Variants in WLS observed in about 807,000 individuals in gnomAD.
WLS encodes protein wntless homolog.
In WLS, 23 loss-of-function variants were observed where a neutral mutation model predicts 62.8. The observed-to-expected ratio is 0.37, with a 90% confidence interval of 0.26 to 0.52. The LOEUF is 0.52. Ranked by LOEUF, WLS falls within the 20% of genes least tolerant of loss-of-function variation. WLS has a pLI of 0.92. For missense variants in WLS, 615 were observed against 697.3 expected (o/e 0.88, Z 1.33); for synonymous variants, 246 against 244.1 (o/e 1.01, Z -0.07).
intron 11 of WLS, among the ~76,000 whole-genome samples, chr1:68,119,181 C>T (rs1029620378): frequency 1.3e-5 from 2 of 151,886 alleles, no homozygotes; most frequent in Non-Finnish European, 2.9e-5. Flanking sequence ...AGAAAGATTT[C>T]CTAGATATAT....
chr1:68,164,784 G>C (rs899975439), intron 2 of WLS, among the ~76,000 whole-genome samples: 2 of 152,152 alleles, frequency 1.3e-5, no homozygotes, highest in Admixed American at 6.5e-5. Context: ...CTGGACCTCA[G>C]TTCTCCCACA....
Position 68,146,833 on chromosome 1 carries a change from C to T in WLS, c.1135-821G>A, listed in dbSNP as rs545075981. ...CAAGTCTTAGGATAGCGTGAGCTGC[C>T]TTGGAAGGCAGATGACCTGATTCCA... On this transcript the variant is annotated intron_variant, in intron 8 of 11. Transcript: ENST00000262348. Among the ~76,000 whole-genome samples, 69 of 152,198 alleles carry T rather than the reference C, an allele frequency of 4.5e-4. No individual in the cohort carries two copies. The South Asian group carries it at 0.01, about 23-fold the overall frequency.
intron 2 of WLS, among the ~76,000 whole-genome samples, chr1:68,174,371 A>G (rs954787617): frequency 2.0e-5 from 3 of 152,168 alleles, no homozygotes; most frequent in African/African-American, 7.2e-5. Flanking sequence ...TTGGGGTTCT[A>G]TTTAAAGATA....
intron 1 of WLS, among the ~76,000 whole-genome samples, chr1:68,226,748 C>T (rs1650157902): frequency 6.6e-6 from 1 of 152,132 alleles, no homozygotes; most frequent in African/African-American, 2.4e-5. Context: ...CACAGTACAC[C>T]CTAATAGATA....
At chr1:68,213,168 A>G (rs1649583370) in intron 1 of WLS, among the ~76,000 whole-genome samples, 1 of 152,026 alleles carries the variant, frequency 6.6e-6, no homozygotes, top group Non-Finnish European at 1.5e-5. Flanking sequence ...AGAGGAAGTA[A>G]AGCCGGGCGT....
chr1:68,227,448 T>A (rs1380984916), intron 1 of WLS, among the ~76,000 whole-genome samples: 1 of 150,032 alleles, frequency 6.7e-6, no homozygotes, highest in East Asian at 2.0e-4. Flanking sequence ...ATTGTTAGCA[T>A]GAGCATGATT....
intron 10 of WLS, among the ~76,000 whole-genome samples, chr1:68,139,075 C>T (rs2100428205): frequency 6.6e-6 from 1 of 152,336 alleles, no homozygotes; most frequent in East Asian, 1.9e-4. Context: ...CCAGGAGTGT[C>T]AGTTAACCAC....
intron 11 of WLS, among the ~76,000 whole-genome samples, chr1:68,108,710 C>T (rs1367450): frequency 0.44 from 67,042 of 151,984 alleles, 15,116 homozygotes; most frequent in Middle Eastern, 0.52. Flanking sequence ...TTAATAGCCA[C>T]ATGGAGCTAA....
In WLS at chr1:68,159,118, C is replaced by A; in HGVS notation, c.504+5G>T. The A allele has an allele frequency of 6.2e-7, 1 of 1,613,708 alleles. No homozygotes were observed. Among genetic ancestry groups the A allele is most frequent in the Non-Finnish European group, 8.5e-7 (1 of 1,179,900 alleles). ...ACTGTCAGCTTAGACAGCAAGGGGT[C>A]ATACCTTGGGAGATGTGAAGGTGCA... On this transcript the variant is annotated splice_donor_5th_base_variant and intron_variant, in intron 3 of 11. Coordinates refer to ENST00000262348, the MANE Select transcript of WLS (RefSeq NM_024911.7).
At chr1:68,165,477 T>A (rs1345366873) in intron 2 of WLS, among the ~76,000 whole-genome samples, 1 of 152,170 alleles carries the variant, frequency 6.6e-6, no homozygotes, top group African/African-American at 2.4e-5. Context: ...CTTATCTTAC[T>A]TCCAAGGTCT....
At chr1:68,127,029 A>G in intron 11 of WLS, 1 of 359,226 alleles carries the variant, frequency 2.8e-6, no homozygotes, top group Non-Finnish European at 5.5e-6. Flanking sequence ...TGACTCTAAA[A>G]AAAAAATTTG....
At chr1:68,098,699 A>T (rs1023636544) in exon 12 of WLS, 1 of 1,614,040 alleles carries the variant, frequency 6.2e-7, no homozygotes, top group Non-Finnish European at 8.5e-7. Context: ...TTCTTGATAA[A>T]GTTCCGAAAC....
Position 68,223,782 on chromosome 1 carries a change from T to C in WLS, c.106+8412A>G, listed in dbSNP as rs376358107. Among the ~76,000 whole-genome samples, 32 of 152,278 alleles carry C rather than the reference T, an allele frequency of 2.1e-4. No individual in the cohort carries two copies. In the East Asian group the frequency reaches 5.2e-3, roughly 25 times the overall value. ...GATTTTATGACTTTTTTGGGATCAT[T>C]GAGGCCACAGGTTGTCTGCAGAGTC... On this transcript the variant is annotated intron_variant, in intron 1 of 11. Coordinates refer to ENST00000262348, the MANE Select transcript of WLS (RefSeq NM_024911.7).
At chr1:68,134,454 CTT>C (rs752577078) in intron 11 of WLS, among the ~76,000 whole-genome samples, 1 of 152,142 alleles carries the variant, frequency 6.6e-6, no homozygotes, top group Non-Finnish European at 1.5e-5. Flanking sequence ...AATCTTATGA[CTT>C]TTGTGTTTAG....
chr1:68,110,224 TTTAATTTAAAA>T (rs1646206631), intron 11 of WLS, among the ~76,000 whole-genome samples: 1 of 151,782 alleles, frequency 6.6e-6, no homozygotes, highest in East Asian at 1.9e-4. Context: ...TTTTAAAAAA[TTTAATTTAAAA>T]TTAAGTTGAA....
intron 8 of WLS, among the ~76,000 whole-genome samples, chr1:68,146,967 C>A (rs1415844466): frequency 6.6e-6 from 1 of 152,066 alleles, no homozygotes; most frequent in African/African-American, 2.4e-5. Flanking sequence ...CTCACCACAA[C>A]CTCCTCCTCC....
Position 68,118,064 on chromosome 1 carries a change from A to C in WLS, c.1511-19311T>G, listed in dbSNP as rs372855505. Reference sequence around the variant, plus strand: ...TTTAAGCATGAAAGCAAAACTAGAAACTATAAAAGAAAAAATGTACAGGTT... The same window carrying C: ...TTTAAGCATGAAAGCAAAACTAGAACCTATAAAAGAAAAAATGTACAGGTT... On this transcript the variant is annotated intron_variant, in intron 11 of 11. Transcript: ENST00000354777. Among the ~76,000 whole-genome samples, 28 of 152,344 alleles carry C rather than the reference A, an allele frequency of 1.8e-4. No individual in the cohort carries two copies. In the East Asian group the frequency reaches 4.6e-3, roughly 25 times the overall value.
intron 11 of WLS, among the ~76,000 whole-genome samples, chr1:68,099,003 C>T (rs924398067): frequency 6.6e-6 from 1 of 152,066 alleles, no homozygotes; most frequent in African/African-American, 2.4e-5. Flanking sequence ...CCACATTCAA[C>T]AAATTTTCCA....
intron 1 of WLS, among the ~76,000 whole-genome samples, chr1:68,210,331 A>G (rs1402795276): frequency 6.6e-6 from 1 of 152,176 alleles, no homozygotes; most frequent in Non-Finnish European, 1.5e-5. Context: ...GTCAAAGGAG[A>G]GAAATGATAG....
Sources: allele counts gnomAD v4.1 joint callset (sites outside exome capture counted in the v4.1 genomes callset), GRCh38; gene constraint gnomAD v4.1.1; transcripts MANE v1.5; gene names NCBI Gene and HGNC (gene_info 2026-07-23, HGNC 2026-07-21).